MYRIP: variants seen among roughly 807,000 people sequenced by gnomAD.
MYRIP encodes the protein rab effector MyRIP.
A neutral mutation model predicts 98.0 loss-of-function variants in MYRIP; 49 were observed. The observed-to-expected ratio is 0.50, with a 90% CI of 0.40 to 0.63. The LOEUF is 0.63. Ranked by LOEUF, MYRIP falls within the 30% of genes least tolerant of loss-of-function variation. The pLI is 0.00. For missense variants in MYRIP, 1,004 were observed against 1,058.2 expected (o/e 0.95, Z 0.71); for synonymous variants, 404 against 409.5 (o/e 0.99, Z 0.16).
intron 2 of MYRIP, among the ~76,000 whole-genome samples, chr3:40,010,912 G>T (rs1946748489): frequency 6.6e-6 from 1 of 152,046 alleles, no homozygotes; most frequent in African/African-American, 2.4e-5. Context: ...CCTTGACCCT[G>T]CTCTTCTGTC....
chr3:40,078,363 C>T (rs1162046368), intron 3 of MYRIP, among the ~76,000 whole-genome samples: 1 of 152,204 alleles, frequency 6.6e-6, no homozygotes, highest in Non-Finnish European at 1.5e-5. Flanking sequence ...GAAAGAGGCT[C>T]CCACAGTGCA....
At chr3:40,074,103 C>CT (rs1388486422) in intron 3 of MYRIP, among the ~76,000 whole-genome samples, 1 of 146,814 alleles carries the variant, frequency 6.8e-6, no homozygotes, top group Non-Finnish European at 1.5e-5. Flanking sequence ...GAGATGGAGT[C>CT]TTGCTCTGTC....
intron 2 of MYRIP, among the ~76,000 whole-genome samples, chr3:40,034,513 C>A (rs1947333677): frequency 6.6e-6 from 1 of 151,792 alleles, no homozygotes; most frequent in Non-Finnish European, 1.5e-5. Flanking sequence ...CAAATCAAAA[C>A]CACAATGAGA....
At chr3:40,020,383 T>G (rs1946964661) in intron 2 of MYRIP, among the ~76,000 whole-genome samples, 2 of 152,198 alleles carry the variant, frequency 1.3e-5, no homozygotes, top group Admixed American at 6.5e-5. Flanking sequence ...TTTCTAGAAA[T>G]AGAATTCATA....
At position 39,904,538 on chromosome 3, in the gene MYRIP, G is replaced by GT. The variant is rs140670245; in HGVS notation, c.110+3621dup. Among the ~76,000 whole-genome samples, 428 of 151,428 alleles carry GT rather than the reference G, an allele frequency of 2.8e-3. 1 individual carries two copies. The highest frequency in any genetic ancestry group is 8.7e-3 in the African/African-American group (361 of 41,274). ...GCCATGAGCCACTGCGCCTGGTCGT[G>GT]TTTTTTTTTATTTCCCAAAAGCATG... On this transcript the variant is annotated intron_variant, in intron 2 of 16. Transcript: ENST00000302541.
chr3:39,809,431 T>C (rs1358221058), upstream of MYRIP, among the ~76,000 whole-genome samples: 2 of 146,432 alleles, frequency 1.4e-5, no homozygotes, highest in Non-Finnish European at 3.0e-5. Flanking sequence ...GCGCCCGAGG[T>C]GCTCTGGAGG....
At chr3:39,975,577 G>A (rs1325105253) in intron 2 of MYRIP, among the ~76,000 whole-genome samples, 2 of 151,934 alleles carry the variant, frequency 1.3e-5, no homozygotes, top group East Asian at 1.9e-4. Flanking sequence ...CCAAAAAAGA[G>A]CCCGCATTGC....
At chr3:39,955,299 G>A (rs1057510676) in intron 2 of MYRIP, among the ~76,000 whole-genome samples, 5 of 152,154 alleles carry the variant, frequency 3.3e-5, no homozygotes, top group Non-Finnish European at 5.9e-5. Flanking sequence ...TACCCACAAA[G>A]GGAAGCCCAT....
At chr3:40,183,128 G>A (rs1950933650) in intron 9 of MYRIP, among the ~76,000 whole-genome samples, 1 of 152,150 alleles carries the variant, frequency 6.6e-6, no homozygotes, top group Non-Finnish European at 1.5e-5. Context: ...AACTATCTCA[G>A]CACGGAGAGC....
At chr3:39,942,080 G>C (rs1444084724) in intron 2 of MYRIP, among the ~76,000 whole-genome samples, 2 of 152,156 alleles carry the variant, frequency 1.3e-5, no homozygotes, top group Non-Finnish European at 1.5e-5. Context: ...TGTTTGGCAA[G>C]GGCTCTTTAG....
At chr3:40,034,137 A>G (rs956737384) in intron 2 of MYRIP, among the ~76,000 whole-genome samples, 8 of 151,888 alleles carry the variant, frequency 5.3e-5, no homozygotes, top group Non-Finnish European at 1.2e-4. Flanking sequence ...AAACCTAGGC[A>G]TTACTATTCA....
At chr3:40,131,775 T>C (rs191031888) in intron 3 of MYRIP, among the ~76,000 whole-genome samples, 1 of 152,352 alleles carries the variant, frequency 6.6e-6, no homozygotes, top group East Asian at 1.9e-4. Flanking sequence ...CATACTGTTT[T>C]AATTATTATA....
intron 4 of MYRIP, among the ~76,000 whole-genome samples, chr3:40,160,068 G>A (rs555179989): frequency 5.1e-4 from 78 of 152,282 alleles, no homozygotes; most frequent in Non-Finnish European, 9.4e-4. Context: ...GAGGAGAGGC[G>A]CTCTGCTTTT....
intron 2 of MYRIP, among the ~76,000 whole-genome samples, chr3:39,965,717 A>C (rs1236255030): frequency 6.6e-6 from 1 of 152,084 alleles, no homozygotes; most frequent in Non-Finnish European, 1.5e-5. Flanking sequence ...ATCTAGGATA[A>C]GTCCTCTTAC....
At chr3:40,138,118 AAAC>A (rs1949819030) in intron 3 of MYRIP, among the ~76,000 whole-genome samples, 2 of 152,264 alleles carry the variant, frequency 1.3e-5, no homozygotes, top group South Asian at 4.1e-4. Flanking sequence ...TGTGTTTGGA[AAAC>A]AACACTTCTG....
chr3:40,190,015 C>A lies in MYRIP; in HGVS notation c.1217C>A (p.Ala406Asp). The A allele has an allele frequency of 6.2e-7, 1 of 1,614,088 alleles. No homozygotes were observed. Residue 406 changes from alanine (A) to aspartate (D), a missense_variant, in exon 10 of 17, where the codon GCC (alanine) becomes GAC (aspartate). Coordinates refer to ENST00000302541, the MANE Select transcript of MYRIP (RefSeq NM_015460.4). ...DSEEDFDWSE[A>D]LSKLCPRSRA... The stretch of plus-strand genomic sequence containing the variant: ...GAGGAAGACTTTGACTGGAGTGAGG[C>A]CTTGAGCAAGCTGTGTCCCAGGTCC...
chr3:40,253,763 C>T lies in MYRIP; in HGVS notation c.2547+1764C>T, dbSNP rs372215169. Among the ~76,000 whole-genome samples, 15 of 152,154 alleles carry T rather than the reference C, an allele frequency of 9.9e-5. No homozygotes were observed. The South Asian group carries it at 1.2e-3, about 13-fold the overall frequency. On this transcript the variant is annotated intron_variant, in intron 16 of 16. Coordinates refer to ENST00000302541, the MANE Select transcript of MYRIP (RefSeq NM_015460.4). ...AACAGTGTAGCCGCTATTAAGGGTT[C>T]GTTTAGCAGTAGGGACGGGGGTTCT...
At chr3:40,132,256 T>A (rs1575562951) in intron 3 of MYRIP, among the ~76,000 whole-genome samples, 1 of 152,158 alleles carries the variant, frequency 6.6e-6, no homozygotes, top group Admixed American at 6.5e-5. Flanking sequence ...TCACTTTTTT[T>A]AAAATTAGAA....
At chr3:39,992,568 T>G (rs1020521607) in intron 2 of MYRIP, among the ~76,000 whole-genome samples, 14 of 152,352 alleles carry the variant, frequency 9.2e-5, no homozygotes, top group African/African-American at 3.4e-4. Context: ...CCGACCATGA[T>G]CCTTGTTCTA....
Sources: gnomAD v4.1 joint callset for allele counts (sites outside exome capture counted in the v4.1 genomes callset) on GRCh38, gnomAD v4.1.1 for gene constraint, MANE v1.5 for transcripts, NCBI Gene and HGNC (gene_info 2026-07-23, HGNC 2026-07-21) for gene names.